ROBO2: variants seen among roughly 807,000 people sequenced by gnomAD.
ROBO2 encodes roundabout homolog 2.
A neutral mutation model predicts 160.8 loss-of-function variants in ROBO2; 53 were observed. The observed-to-expected ratio is 0.33, with a 90% confidence interval of 0.26 to 0.41. The LOEUF (loss-of-function observed/expected upper bound fraction) is 0.41. ROBO2 is among the 10% of genes least tolerant of loss of function. The pLI is 1.00. For missense variants in ROBO2, 1,577 were observed against 1,722.4 expected, an observed-to-expected ratio of 0.92 and a Z score of 1.49; for synonymous variants, 664 against 611.7, an observed-to-expected ratio of 1.09 and a Z score of -1.26.
chr3:76,565,430 G>A (rs1284601670), intron 2 of ROBO2, among the ~76,000 whole-genome samples: 1 of 152,128 alleles, frequency 6.6e-6, no homozygotes, highest in Non-Finnish European at 1.5e-5. Flanking sequence ...CCACAGGATA[G>A]TAACTCTAAA....
intron 2 of ROBO2, among the ~76,000 whole-genome samples, chr3:77,446,815 T>C (rs1222198036): frequency 6.6e-6 from 1 of 152,108 alleles, no homozygotes; most frequent in African/African-American, 2.4e-5. Context: ...AAAAATCCTT[T>C]GGGTGCTCAC....
At chr3:76,042,754 G>A (rs1344545028) in intron 2 of ROBO2, among the ~76,000 whole-genome samples, 1 of 151,982 alleles carries the variant, frequency 6.6e-6, no homozygotes, top group Non-Finnish European at 1.5e-5. Context: ...TAGATTTCAG[G>A]CATTGTATGG....
At chr3:76,325,666 G>A (rs1352793367) in intron 2 of ROBO2, among the ~76,000 whole-genome samples, 1 of 151,556 alleles carries the variant, frequency 6.6e-6, no homozygotes, top group Non-Finnish European at 1.5e-5. Context: ...TTTTATTAAT[G>A]CTACTCGAGA....
At chr3:77,066,025 G>A (rs1027107062) in intron 1 of ROBO2, among the ~76,000 whole-genome samples, 1 of 152,004 alleles carries the variant, frequency 6.6e-6, no homozygotes, top group Admixed American at 6.6e-5. Flanking sequence ...TAGGTCATGG[G>A]TTTTTAAAAA....
intron 23 of ROBO2, chr3:77,632,715 C>T: frequency 7.3e-7 from 1 of 1,373,582 alleles, no homozygotes; most frequent in Non-Finnish European, 9.7e-7. Context: ...TGGACACTGT[C>T]CTCTTTTCTC....
At chr3:76,903,549 TC>T in intron 2 of ROBO2, among the ~76,000 whole-genome samples, 1 of 152,138 alleles carries the variant, frequency 6.6e-6, no homozygotes, top group East Asian at 1.9e-4. Flanking sequence ...TTTTTCTCCA[TC>T]CCCCACACCA....
At chr3:76,358,999 G>A (rs930329615) in intron 2 of ROBO2, among the ~76,000 whole-genome samples, 2 of 135,738 alleles carry the variant, frequency 1.5e-5, no homozygotes, top group African/African-American at 2.8e-5. Context: ...TTCAATTCCC[G>A]CCTATGAGTG....
intron 2 of ROBO2, among the ~76,000 whole-genome samples, chr3:76,145,233 A>G (rs920348524): frequency 6.6e-6 from 1 of 152,088 alleles, no homozygotes; most frequent in Non-Finnish European, 1.5e-5. Context: ...ATTCTGTGAG[A>G]TAGAAATAGC....
At chr3:76,574,750 C>G (rs1324316627) in intron 2 of ROBO2, among the ~76,000 whole-genome samples, 1 of 152,010 alleles carries the variant, frequency 6.6e-6, no homozygotes, top group East Asian at 1.9e-4. Flanking sequence ...AATGTGTAAA[C>G]ACCTCACTGG....
intron 1 of ROBO2, among the ~76,000 whole-genome samples, chr3:77,081,387 C>T (rs1003590957): frequency 1.3e-5 from 2 of 152,154 alleles, no homozygotes; most frequent in African/African-American, 4.8e-5. Flanking sequence ...GGTGATCTCA[C>T]CTCTGAGGCA....
intron 2 of ROBO2, among the ~76,000 whole-genome samples, chr3:76,728,045 A>C (rs2107802021): frequency 6.6e-6 from 1 of 152,238 alleles, no homozygotes; most frequent in East Asian, 1.9e-4. Flanking sequence ...TTGTATTAAT[A>C]TTTATAAATG....
rs541361953 is a variant in ROBO2 at position 77,510,091 on chromosome 3, A to G, written c.807-12684A>G. ...GGACTGGTGAAGTGGCCAGAGACCA[A>G]TGAGGATGTCACATATAGACTGAGT... On this transcript the variant is annotated intron_variant, in intron 5 of 25. Coordinates refer to ENST00000461745, the Ensembl canonical transcript of ROBO2. 2.6e-5 allele frequency among the ~76,000 whole-genome samples: 4 copies of G among 152,108 alleles called. No individual in the cohort carries two copies. The East Asian group carries it at 7.8e-4, about 30-fold the overall frequency.
chr3:77,245,242 T>A (rs552022744), intron 2 of ROBO2, among the ~76,000 whole-genome samples: 8 of 152,170 alleles, frequency 5.3e-5, no homozygotes, highest in African/African-American at 1.9e-4. Context: ...TTGAGTGACA[T>A]GGAGCCAATT....
intron 2 of ROBO2, among the ~76,000 whole-genome samples, chr3:76,159,176 T>C (rs2072523064): frequency 6.6e-6 from 1 of 152,178 alleles, no homozygotes; most frequent in South Asian, 2.1e-4. Context: ...ATTTGGATTT[T>C]GTGTTGTGAA....
chr3:76,885,085 C>T (rs35120026), intron 2 of ROBO2, among the ~76,000 whole-genome samples: 23,725 of 152,004 alleles, frequency 0.16, 2,169 homozygotes, highest in South Asian at 0.23. Flanking sequence ...TGATTTAAGG[C>T]TTTCTTGAGA....
chr3:76,775,375 A>G (rs1279961200), intron 2 of ROBO2, among the ~76,000 whole-genome samples: 1 of 150,908 alleles, frequency 6.6e-6, no homozygotes, highest in Non-Finnish European at 1.5e-5. Flanking sequence ...TAAATTATGA[A>G]TAAACATTGA....
In ROBO2 at chr3:76,086,995, G is replaced by C. The variant is rs575756522; in HGVS notation, c.109+149393G>C. The stretch of plus-strand genomic sequence containing the variant: ...CTACAGAAACTTCCAAAATAGAAAA[G>C]AGAAAAATGATGAAATAAATCAGAA... On this transcript the variant is annotated intron_variant, in intron 2 of 26. Transcript: ENST00000487694. Among the ~76,000 whole-genome samples, 4 of 151,924 alleles carry C rather than the reference G, an allele frequency of 2.6e-5. No homozygotes were observed. The South Asian group carries it at 8.3e-4, about 32-fold the overall frequency.
chr3:77,054,945 T>TGA, intron 1 of ROBO2, among the ~76,000 whole-genome samples: 1 of 151,872 alleles, frequency 6.6e-6, no homozygotes, highest in Non-Finnish European at 1.5e-5. Flanking sequence ...TGTGTGTGTG[T>TGA]GTGTGTGTGT....
intron 2 of ROBO2, among the ~76,000 whole-genome samples, chr3:76,054,966 T>G (rs2067785323): frequency 6.6e-6 from 1 of 152,226 alleles, no homozygotes; most frequent in Non-Finnish European, 1.5e-5. Context: ...TGTATTAGTC[T>G]GTTCTCATGC....
Sources: gnomAD v4.1 joint callset for allele counts (sites outside exome capture counted in the v4.1 genomes callset) on GRCh38, gnomAD v4.1.1 for gene constraint, MANE v1.5 for transcripts, NCBI Gene and HGNC (gene_info 2026-07-23, HGNC 2026-07-21) for gene names.